Variants in TRHDE observed in about 807,000 individuals in gnomAD.
TRHDE encodes the protein thyrotropin-releasing hormone-degrading ectoenzyme.
Under a neutral mutation model 125.7 loss-of-function variants are expected in TRHDE, and 72 were observed. The observed-to-expected ratio is 0.57, with a 90% CI of 0.47 to 0.70. The LOEUF (loss-of-function observed/expected upper bound fraction) is 0.70. Ranked by LOEUF, TRHDE falls within the 30% of genes least tolerant of loss-of-function variation. TRHDE has a pLI of 0.00. For synonymous variants in TRHDE, 509 were observed against 509.1 expected (o/e 1.00, Z 0.00); for missense variants, 1,110 against 1,327.1 (o/e 0.84, Z 2.54).
At chr12:72,242,926 A>G (rs1230981523) in intron 2 of TRHDE, among the ~76,000 whole-genome samples, 1 of 152,072 alleles carries the variant, frequency 6.6e-6, no homozygotes, top group East Asian at 1.9e-4. Flanking sequence ...ATTTAACTCA[A>G]CTCTGGTTAA....
intron 15 of TRHDE, among the ~76,000 whole-genome samples, chr12:72,633,010 C>G (rs1005478897): frequency 1.3e-5 from 2 of 151,950 alleles, no homozygotes; most frequent in Non-Finnish European, 2.9e-5. Flanking sequence ...AGCTACTTAA[C>G]GTTCATCATC....
intron 2 of TRHDE, among the ~76,000 whole-genome samples, chr12:72,369,314 C>T (rs758325592): frequency 1.3e-5 from 2 of 152,042 alleles, no homozygotes; most frequent in Non-Finnish European, 2.9e-5. Flanking sequence ...CCACAGTCAG[C>T]GTCTGTTTTG....
chr12:72,585,356 C>A (rs747849429), intron 12 of TRHDE, among the ~76,000 whole-genome samples: 3 of 152,152 alleles, frequency 2.0e-5, no homozygotes, highest in Admixed American at 6.5e-5. Context: ...GGAATTCTTG[C>A]TCTATGAAAT....
At chr12:72,230,282 A>G (rs571364194) in intron 2 of TRHDE, among the ~76,000 whole-genome samples, 1 of 152,296 alleles carries the variant, frequency 6.6e-6, no homozygotes, top group African/African-American at 2.4e-5. Context: ...TACCACCAGC[A>G]CAGTGCTTCC....
chr12:72,382,981 T>A (rs1337077603), intron 3 of TRHDE, among the ~76,000 whole-genome samples: 2 of 152,232 alleles, frequency 1.3e-5, no homozygotes, highest in Non-Finnish European at 2.9e-5. Flanking sequence ...AGGACAATAA[T>A]TTATTCTCTT....
intron 5 of TRHDE, among the ~76,000 whole-genome samples, chr12:72,498,067 C>T (rs1877994546): frequency 6.6e-6 from 1 of 152,082 alleles, no homozygotes; most frequent in Non-Finnish European, 1.5e-5. Flanking sequence ...ATATAATCCT[C>T]TTGGATGGAG....
intron 2 of TRHDE, chr12:72,105,759 C>T (rs1392265300): frequency 6.6e-6 from 1 of 152,146 alleles, no homozygotes; most frequent in Non-Finnish European, 1.5e-5. Flanking sequence ...AAAGGTAATA[C>T]ATCTTAAAGT....
intron 12 of TRHDE, among the ~76,000 whole-genome samples, chr12:72,607,547 T>C (rs984046587): frequency 2.0e-5 from 3 of 152,014 alleles, no homozygotes; most frequent in Non-Finnish European, 4.4e-5. Context: ...TCCTTGATGG[T>C]TTTCTTTATT....
At chr12:72,558,017 TGGAGAGAGAGGACAG>T (rs1870001410) in intron 7 of TRHDE, among the ~76,000 whole-genome samples, 2 of 151,230 alleles carry the variant, frequency 1.3e-5, no homozygotes, top group African/African-American at 4.9e-5. Context: ...TACATATATA[TGGAGAGAGAGGACAG>T]GGAGAGAGAG....
intron 6 of TRHDE, among the ~76,000 whole-genome samples, chr12:72,524,751 G>T (rs1868303955): frequency 2.0e-5 from 3 of 151,992 alleles, no homozygotes; most frequent in Admixed American, 2.0e-4. Flanking sequence ...CTATGCTTTT[G>T]TCCTTGTCTG....
Position 72,168,209 on chromosome 12 carries a change from C to T in TRHDE, n.279+62457C>T, listed in dbSNP as rs765811496. ...TAGATACTGGGTAAACTGAAAGCAGCTTTTTAAAAGAAATATTCCAAATTT... is the reference window on the plus strand; with the variant it reads ...TAGATACTGGGTAAACTGAAAGCAGTTTTTTAAAAGAAATATTCCAAATTT... On this transcript the variant is annotated intron_variant and non_coding_transcript_variant, in intron 2 of 4. Coordinates refer to the TRHDE transcript ENST00000548156. Among the ~76,000 whole-genome samples, 150 of 152,256 alleles carry T rather than the reference C, an allele frequency of 9.9e-4. 1 individual carries two copies. The Middle Eastern group carries it at 0.031, about 31-fold the overall frequency.
intron 12 of TRHDE, among the ~76,000 whole-genome samples, chr12:72,618,599 G>T (rs1213652224): frequency 2.0e-5 from 3 of 152,010 alleles, no homozygotes; most frequent in African/African-American, 7.2e-5. Flanking sequence ...TTTCTGTGAA[G>T]GAACATACCT....
rs990277185 is a variant in TRHDE at position 72,273,025 on chromosome 12, T to C, written c.382T>C (p.Phe128Leu). The C allele has an allele frequency of 1.3e-6, 2 of 1,538,808 alleles. No individual in the cohort carries two copies. Among genetic ancestry groups the C allele is most frequent in the African/African-American group, 2.7e-5 (2 of 73,118 alleles). Residue 128 changes from phenylalanine to leucine, a missense_variant, in exon 1 of 19, where the codon TTT becomes CTT. Around this residue, in one of 5 missense-constraint regions of TRHDE, gnomAD observed 248 missense variants for 240.8 expected, o/e 1.03. Coordinates refer to ENST00000261180, the MANE Select transcript of TRHDE (RefSeq NM_013381.3). This position sits in a 1 kb window ranked among gnomAD's most constrained non-coding sequence, Gnocchi z 5.3. Reference protein sequence around the residue: ...TPGADGGPSGFPERGGNGSLP... With the variant: ...TPGADGGPSGLPERGGNGSLP... ...AGGCGCCGACGGTGGCCCCTCAGGC[T>C]TTCCGGAGCGCGGCGGCAACGGGAG...
At chr12:72,574,907 G>A (rs1487952511) in intron 10 of TRHDE, among the ~76,000 whole-genome samples, 1 of 151,976 alleles carries the variant, frequency 6.6e-6, no homozygotes, top group East Asian at 1.9e-4. Flanking sequence ...TTTCATTCTA[G>A]TGTCATATCC....
chr12:72,199,422 T>G (rs1195695151), intron 2 of TRHDE, among the ~76,000 whole-genome samples: 1 of 152,170 alleles, frequency 6.6e-6, no homozygotes, highest in Non-Finnish European at 1.5e-5. Flanking sequence ...AGGAGAGTTA[T>G]CAGGTACTAC....
intron 2 of TRHDE, among the ~76,000 whole-genome samples, chr12:72,143,982 C>T (rs1199618624): frequency 6.6e-6 from 1 of 152,088 alleles, no homozygotes; most frequent in Non-Finnish European, 1.5e-5. Context: ...AGTTTATCAC[C>T]CACTTTTGTA....
At chr12:72,435,063 T>G (rs779922753) in intron 3 of TRHDE, among the ~76,000 whole-genome samples, 2 of 152,216 alleles carry the variant, frequency 1.3e-5, no homozygotes, top group Non-Finnish European at 2.9e-5. Flanking sequence ...TTCTTCTTCA[T>G]CAGCAGTTCA....
intron 1 of TRHDE, among the ~76,000 whole-genome samples, chr12:72,095,457 C>A (rs996656392): frequency 1.1e-4 from 16 of 152,016 alleles, no homozygotes; most frequent in Admixed American, 8.5e-4. Flanking sequence ...TTAGAAGGTA[C>A]CATAGAGGTC....
chr12:72,203,627 C>G (rs1008262426), intron 2 of TRHDE, among the ~76,000 whole-genome samples: 7 of 152,102 alleles, frequency 4.6e-5, no homozygotes, highest in African/African-American at 1.7e-4. Flanking sequence ...TTCTGAACAC[C>G]ACACACCAGC....
Sources: allele counts gnomAD v4.1 joint callset (sites outside exome capture counted in the v4.1 genomes callset), GRCh38; gene constraint gnomAD v4.1.1; regional missense constraint gnomAD v4.1.1; non-coding constraint Gnocchi (gnomAD v3.1); transcripts MANE v1.5; gene names NCBI Gene and HGNC (gene_info 2026-07-23, HGNC 2026-07-21).